ERP44: variants seen among roughly 807,000 people sequenced by gnomAD.
ERP44 encodes endoplasmic reticulum protein 44.
A neutral mutation model predicts 53.4 loss-of-function variants in ERP44; 25 were observed. The observed-to-expected ratio is 0.47, with a 90% confidence interval of 0.34 to 0.65. The LOEUF is 0.65. Ranked by LOEUF, ERP44 falls within the 30% of genes least tolerant of loss-of-function variation. The probability of loss-of-function intolerance (pLI) is 0.01; values close to 1 mark genes in which losing one functional copy is unlikely to be tolerated. For missense variants in ERP44, 338 were observed against 493.2 expected (o/e 0.69, Z 2.98); for synonymous variants, 145 against 161.2 (o/e 0.90, Z 0.76).
At chr9:100,079,732 G>GAGACC (rs1272167511) in intron 1 of ERP44, among the ~76,000 whole-genome samples, 1 of 152,002 alleles carries the variant, frequency 6.6e-6, no homozygotes, top group Non-Finnish European at 1.5e-5. Context: ...CCAGGAGTTA[G>GAGACC]AGACCAGCCT....
At chr9:100,090,117 A>G (rs1199470175) in intron 1 of ERP44, among the ~76,000 whole-genome samples, 1 of 152,240 alleles carries the variant, frequency 6.6e-6, no homozygotes, top group African/African-American at 2.4e-5. Flanking sequence ...TTGAGGAATG[A>G]GTCCATTTGA....
At position 100,022,071 on chromosome 9, in the gene ERP44, G is replaced by A. The variant is rs776153086; in HGVS notation, c.442C>T (p.Arg148Trp). 57 of 1,613,456 alleles carry A rather than the reference G, an allele frequency of 3.5e-5. No homozygotes were observed. In the Admixed American group the frequency reaches 8.0e-4, roughly 23 times the overall value. ...QQKSDPIQEIRDLAEITTLDR... is the reference protein window; with the variant it reads ...QQKSDPIQEIWDLAEITTLDR... The stretch of plus-strand genomic sequence containing the variant: ...AGAGTGGTGATTTCTGCTAAGTCCC[G>A]AATTTCTTGAATGGGGTCACTTTTT... Residue 148 changes from arginine (R) to tryptophan (W), a missense_variant, in exon 5 of 12, where the codon CGG becomes TGG. By Grantham distance (101) the Arg-to-Trp change is moderately radical. This residue lies in a region of ERP44 where 224 missense variants were observed against 301.4 expected (regional missense o/e 0.74). Transcript: ENST00000262455.
chr9:100,039,984 C>T (rs1825885124), intron 4 of ERP44, among the ~76,000 whole-genome samples: 1 of 152,004 alleles, frequency 6.6e-6, no homozygotes, highest in Admixed American at 6.6e-5. Context: ...AAATCCAAAA[C>T]CTGAACCGAC....
At chr9:100,068,774 C>G (rs1826265843) in intron 1 of ERP44, among the ~76,000 whole-genome samples, 1 of 152,074 alleles carries the variant, frequency 6.6e-6, no homozygotes. Context: ...CGGCCAGCCG[C>G]CCCGTCTGGG....
chr9:100,064,079 G>A (rs1826185487), intron 1 of ERP44, among the ~76,000 whole-genome samples: 1 of 152,126 alleles, frequency 6.6e-6, no homozygotes. Flanking sequence ...ATCTCTCCCT[G>A]CTCTGAACAC....
chr9:100,050,662 GA>G (rs1321480039), intron 4 of ERP44, among the ~76,000 whole-genome samples: 2 of 152,254 alleles, frequency 1.3e-5, no homozygotes, highest in African/African-American at 4.8e-5. Flanking sequence ...ACATAGAAGA[GA>G]AAAAATATTC....
intron 4 of ERP44, among the ~76,000 whole-genome samples, chr9:100,029,436 CAT>C (rs757247555): frequency 1.3e-5 from 2 of 152,168 alleles, no homozygotes; most frequent in Non-Finnish European, 2.9e-5. Flanking sequence ...TTTCACTAAT[CAT>C]GTGGTTACAT....
chr9:100,057,136 T>C (rs1450009964), intron 3 of ERP44, among the ~76,000 whole-genome samples: 1 of 152,138 alleles, frequency 6.6e-6, no homozygotes, highest in Non-Finnish European at 1.5e-5. Flanking sequence ...CCTTAAAGGG[T>C]CAGATAAGAT....
intron 1 of ERP44, among the ~76,000 whole-genome samples, chr9:100,087,395 C>T (rs1176978272): frequency 6.6e-6 from 1 of 152,172 alleles, no homozygotes; most frequent in Non-Finnish European, 1.5e-5. Flanking sequence ...TACATCAGTG[C>T]ACACAATTTT....
intron 1 of ERP44, among the ~76,000 whole-genome samples, chr9:100,089,580 C>CAAA (rs71498726): frequency 2.0e-3 from 86 of 43,308 alleles, no homozygotes; most frequent in African/African-American, 3.5e-3. Context: ...GACTCCATCT[C>CAAA]AAAAAAAAAA....
At chr9:100,007,142 GT>G (rs774932977) in intron 9 of ERP44, among the ~76,000 whole-genome samples, 1 of 152,166 alleles carries the variant, frequency 6.6e-6, no homozygotes, top group Non-Finnish European at 1.5e-5. Flanking sequence ...GGAAAAGCTG[GT>G]GACACCTCAA....
intron 4 of ERP44, among the ~76,000 whole-genome samples, chr9:100,026,560 G>T (rs1183976808): frequency 2.0e-5 from 3 of 152,184 alleles, no homozygotes. Flanking sequence ...ATGTTCAGTT[G>T]TAATCAGAAA....
intron 8 of ERP44, among the ~76,000 whole-genome samples, chr9:100,010,137 CA>C (rs1830459366): frequency 1.3e-5 from 2 of 152,164 alleles, no homozygotes; most frequent in African/African-American, 4.8e-5. Context: ...CAACATATAT[CA>C]ATAAATAAAC....
rs189127779 is a variant in ERP44 at position 100,001,911 on chromosome 9, C to T, written c.1016+4595G>A. Among the ~76,000 whole-genome samples the T allele has an allele frequency of 5.9e-4, 90 of 152,116 alleles. No homozygotes were observed. The Middle Eastern group carries it at 0.017, about 29-fold the overall frequency. On this transcript the variant is annotated intron_variant, in intron 10 of 11. Coordinates refer to ENST00000262455, the MANE Select transcript of ERP44 (RefSeq NM_015051.3). ...TGTTGCTTTCTTCCTCTCTTCTTGT[C>T]TTCCTTTGTGATTAGGTGATTTTCT...
chr9:99,998,890 C>T, intron 10 of ERP44: 3 of 1,590,132 alleles, frequency 1.9e-6, no homozygotes, highest in Non-Finnish European at 2.6e-6. Flanking sequence ...TCTTCGCCTC[C>T]ATCTCCCCCA....
intron 1 of ERP44, among the ~76,000 whole-genome samples, chr9:100,068,482 C>T (rs1436943276): frequency 2.9e-5 from 4 of 139,662 alleles, no homozygotes; most frequent in African/African-American, 1.1e-4. Flanking sequence ...AGTGAGGAGC[C>T]CCTCTGCCCG....
chr9:100,048,284 G>A (rs1330578684), intron 4 of ERP44, among the ~76,000 whole-genome samples: 2 of 151,960 alleles, frequency 1.3e-5, no homozygotes, highest in Admixed American at 1.3e-4. Context: ...TAACAAACCT[G>A]CACGTTGTGC....
At chr9:100,056,140 GT>G (rs1314865593) in intron 3 of ERP44, among the ~76,000 whole-genome samples, 1 of 152,154 alleles carries the variant, frequency 6.6e-6, no homozygotes, top group African/African-American at 2.4e-5. Context: ...AGTCGTTCTA[GT>G]TTTTCTTCAG....
chr9:100,064,450 AAAAAT>A (rs1483789173), intron 1 of ERP44, among the ~76,000 whole-genome samples: 2 of 152,244 alleles, frequency 1.3e-5, no homozygotes, highest in Admixed American at 6.5e-5. Context: ...GTTATCAAAT[AAAAAT>A]AAAGTCTATA....
Sources: allele counts gnomAD v4.1 joint callset (sites outside exome capture counted in the v4.1 genomes callset), GRCh38; gene constraint gnomAD v4.1.1; regional missense constraint gnomAD v4.1.1; transcripts MANE v1.5; gene names NCBI Gene and HGNC (gene_info 2026-07-23, HGNC 2026-07-21).